MYO1G: variants seen among roughly 807,000 people sequenced by gnomAD.
MYO1G encodes unconventional myosin-Ig.
Under a neutral mutation model 115.3 loss-of-function variants are expected in MYO1G, and 65 were observed. The observed-to-expected ratio is 0.56, with a 90% CI of 0.46 to 0.69. The LOEUF (loss-of-function observed/expected upper bound fraction) is 0.69, where lower values mean the gene tolerates loss of function less well. Ranked by LOEUF, MYO1G falls within the 30% of genes least tolerant of loss-of-function variation. MYO1G has a pLI of 0.00. For synonymous variants in MYO1G, 510 were observed against 552.6 expected (o/e 0.92, Z 1.08); for missense variants, 1,204 against 1,393.5 (o/e 0.86, Z 2.16).
chr7:44,963,043 G>A lies in MYO1G; in HGVS notation c.2827C>T (p.Leu943=), dbSNP rs1351457464. 2 of 1,529,060 alleles carry A rather than the reference G, an allele frequency of 1.3e-6. No homozygotes were observed. Among genetic ancestry groups the A allele is most frequent in the Admixed American group, 2.0e-5 (1 of 50,306 alleles). The allele number at this position is 1,529,060 out of a possible 1,614,324, so 94.7% of individuals were successfully genotyped here. The change falls in exon 21 of 22, where the codon CTG becomes TTG. Residue 943 remains leucine (L), a synonymous_variant. Transcript: ENST00000258787. This position sits in a 1 kb window ranked among gnomAD's most constrained non-coding sequence, Gnocchi z 4.1. ...TCCAATGGCGGCCGGGAGCGGTGCA[G>A]GCACACCACGAGGTCGTCCTGGCCG... ...ARGQDDLVVC[L]HRSRPPLDNR...
chr7:44,975,376 G>A, intron 4 of MYO1G, 108 bp downstream of exon 4: 1 of 1,524,224 alleles, frequency 6.6e-7, no homozygotes, highest in Non-Finnish European at 9.1e-7. Flanking sequence ...CACAGGGAGA[G>A]ACAGCCCAGC....
rs778132318 is a variant in MYO1G, at chr7:44,966,073, C to T, written c.2157G>A (p.Lys719=). The T allele has an allele frequency of 6.2e-7, 1 of 1,611,450 alleles. No homozygotes were observed. The highest frequency in any genetic ancestry group is 8.5e-7 in the Non-Finnish European group (1 of 1,179,740). The change falls in exon 16 of 22, where the codon AAG becomes AAA. Residue 719 remains lysine, a splice_region_variant and synonymous_variant. Transcript: ENST00000258787. The surrounding 1 kb of genome is among the most constrained non-coding windows in gnomAD (Gnocchi z 5.0). ...LIPIIVLLLQ[K]AWRGTLARWR... ...TGTCTTCCTGCCCCGCCCACCTCAC[C>T]TTCTGCAATAGCAGCACAATGATGG...
At chr7:44,977,682 C>T (rs1279542353) in intron 1 of MYO1G, among the ~76,000 whole-genome samples, 1 of 152,180 alleles carries the variant, frequency 6.6e-6, no homozygotes, top group Non-Finnish European at 1.5e-5. Flanking sequence ...CTTCACAAAC[C>T]TGGTCCCCAG....
intron 5 of MYO1G, chr7:44,973,505 A>G (rs1794996957): frequency 6.6e-6 from 1 of 151,880 alleles, no homozygotes; most frequent in South Asian, 2.1e-4. Flanking sequence ...GGTAGCTCAG[A>G]GTCCTTAAAG....
In MYO1G at chr7:44,975,169, C is replaced by A. The variant is rs2128702859; in HGVS notation, c.618+5G>T. On this transcript the variant is annotated splice_donor_5th_base_variant and intron_variant, in intron 5 of 21. Transcript: ENST00000258787. Reference sequence around the variant, plus strand: ...TTTCCACCTCCCCTTGCCCTCAGGGCTTACTTGGTAGAAGGCGTGGAAGTT... The same window carrying A: ...TTTCCACCTCCCCTTGCCCTCAGGGATTACTTGGTAGAAGGCGTGGAAGTT... The A allele has an allele frequency of 6.2e-7, 1 of 1,614,034 alleles. No individual in the cohort carries two copies. Among genetic ancestry groups the A allele is most frequent in the Non-Finnish European group, 8.5e-7 (1 of 1,179,972 alleles).
At chr7:44,971,814 C>A in intron 6 of MYO1G, 25 bp from the exon 7 acceptor site, 1 of 1,514,056 alleles carries the variant, frequency 6.6e-7, no homozygotes, top group Non-Finnish European at 9.0e-7. Context: ...ATTCATCACT[C>A]CAAAGCCACA....
chr7:44,967,175 C>T (rs1482300182), intron 14 of MYO1G, among the ~76,000 whole-genome samples: 1 of 152,222 alleles, frequency 6.6e-6, no homozygotes, highest in African/African-American at 2.4e-5. Context: ...CTAACATGTC[C>T]TCTCCCTGAC....
intron 2 of MYO1G, 98 bp downstream of exon 2, chr7:44,976,765 C>A (rs991320368): frequency 1.3e-6 from 2 of 1,573,430 alleles, no homozygotes. Flanking sequence ...CCTAGGGCCC[C>A]CATCAGGACA....
intron 1 of MYO1G, among the ~76,000 whole-genome samples, chr7:44,978,056 A>C (rs1379908379): frequency 1.3e-5 from 2 of 152,196 alleles, no homozygotes; most frequent in Non-Finnish European, 2.9e-5. Context: ...CGTCCTGGCT[A>C]GCCCTCCTCT....
In MYO1G at chr7:44,962,919, G is replaced by A. The variant is rs114777661; in HGVS notation, c.2901-24C>T. 1.6e-3 allele frequency: 2,352 copies of A among 1,499,038 alleles called. 35 individuals are homozygous for A. The African/African-American group carries it at 0.028, about 18-fold the overall frequency. 92.9% of individuals were successfully genotyped at this position (1,499,038 alleles called of 1,614,324 possible). The stretch of plus-strand genomic sequence containing the variant: ...CCCTGCGGCAGGAGGAGGGGTCAGG[G>A]CGGCCACGCGGCCGGGGCTTCGTGC... On this transcript the variant is annotated intron_variant, in intron 21 of 21. Coordinates refer to ENST00000258787, the MANE Select transcript of MYO1G (RefSeq NM_033054.3). This position sits in a 1 kb window ranked among gnomAD's most constrained non-coding sequence, Gnocchi z 5.3.
chr7:44,963,135 C>A lies in MYO1G; in HGVS notation c.2746-11G>T. 6.9e-7 allele frequency: 1 copy of A among 1,443,526 alleles called. No homozygotes were observed. The highest frequency in any genetic ancestry group is 1.5e-5 in the African/African-American group (1 of 67,228). The allele number at this position is 1,443,526 out of a possible 1,614,324, so 89.4% of individuals were successfully genotyped here. ...GCTCAGCCCCGTCACCTGAGCGGAG[C>A]GCGGGGTCAGAGTGCAGCCGCCTCA... On this transcript the variant is annotated splice_polypyrimidine_tract_variant and intron_variant, in intron 20 of 21. Coordinates refer to ENST00000258787, the MANE Select transcript of MYO1G (RefSeq NM_033054.3). This position sits in a 1 kb window ranked among gnomAD's most constrained non-coding sequence, Gnocchi z 4.1.
Position 44,963,147 on chromosome 7 carries a change from G to C in MYO1G, c.2746-23C>G. On this transcript the variant is annotated intron_variant, in intron 20 of 21. Transcript: ENST00000258787. This position sits in a 1 kb window ranked among gnomAD's most constrained non-coding sequence, Gnocchi z 4.1. ...CACCTGAGCGGAGCGCGGGGTCAGA[G>C]TGCAGCCGCCTCAACCCGCACCCCA... 7.1e-7 allele frequency: 1 copy of C among 1,416,738 alleles called. No individual in the cohort carries two copies. The highest frequency in any genetic ancestry group is 9.2e-7 in the Non-Finnish European group (1 of 1,089,268). The allele number at this position is 1,416,738 out of a possible 1,614,324, so 87.8% of individuals were successfully genotyped here.
At position 44,975,607 on chromosome 7, in the gene MYO1G, G is replaced by C; in HGVS notation, c.441C>G (p.Ala147=). 1.2e-6 allele frequency: 2 copies of C among 1,613,788 alleles called. No individual in the cohort carries two copies. Among genetic ancestry groups the C allele is most frequent in the Non-Finnish European group, 1.7e-6 (2 of 1,179,780 alleles). Residue 147 remains alanine, a synonymous_variant, in exon 4 of 22, where the codon GCC becomes GCG. Coordinates refer to ENST00000258787, the MANE Select transcript of MYO1G (RefSeq NM_033054.3). ...VLLKSTCVLE[A]FGNARTNRNH... ...TGCGGTTGGTGCGGGCATTGCCAAA[G>C]GCCTCCAGCACACAGGTGGACTTGA...
Position 44,964,887 on chromosome 7 carries a change from A to C in MYO1G, c.2526+58T>G, listed in dbSNP as rs1029338717. Reference sequence around the variant, plus strand: ...GGGGACCTGGTCACAGCATTAGCCGAGAGCCCTCTTTGGCAGCCCACTTCC... The same window carrying C: ...GGGGACCTGGTCACAGCATTAGCCGCGAGCCCTCTTTGGCAGCCCACTTCC... On this transcript the variant is annotated intron_variant, in intron 18 of 21. Transcript: ENST00000258787. The surrounding 1 kb of genome is among the most constrained non-coding windows in gnomAD (Gnocchi z 5.1). The C allele has an allele frequency of 6.4e-7, 1 of 1,559,442 alleles. No homozygotes were observed. The highest frequency in any genetic ancestry group is 8.7e-7 in the Non-Finnish European group (1 of 1,147,638).
Position 44,970,891 on chromosome 7 carries a change from T to G in MYO1G, c.1015A>C (p.Ile339Leu). 6.2e-7 allele frequency: 1 copy of G among 1,613,512 alleles called. No individual in the cohort carries two copies. The highest frequency in any genetic ancestry group is 1.1e-5 in the South Asian group (1 of 91,078). ...RTVASGGREL[I>L]EKGHTAAEAS... ...TCAGCTGCAGTGTGGCCCTTCTCTA[T>G]GAGTTCCCTGCCTCCCGAGGCAACT... Residue 339 changes from isoleucine to leucine, a missense_variant, in exon 8 of 22, where the codon ATA becomes CTA. By Grantham distance (5) the Ile-to-Leu change is conservative. Transcript: ENST00000258787.
At position 44,962,796 on chromosome 7, in the gene MYO1G, T is replaced by C. The variant is rs780054352; in HGVS notation, c.3000A>G (p.Pro1000=). Residue 1000 remains proline (P), a synonymous_variant, in exon 22 of 22, where the codon CCA becomes CCG. Transcript: ENST00000258787. This position sits in a 1 kb window ranked among gnomAD's most constrained non-coding sequence, Gnocchi z 5.3. ...LISVEPRPEQ[P]EPDFRCARGS... ...CGCGAGCGCAGCGGAAATCGGGCTC[T>C]GGCTGCTCCGGCCTGGGCTCCACGG... The C allele has an allele frequency of 6.8e-5, 103 of 1,514,006 alleles. No individual in the cohort carries two copies. In the African/African-American group the frequency reaches 1.3e-3, roughly 19 times the overall value. 93.8% of individuals were successfully genotyped at this position (1,514,006 alleles called of 1,614,324 possible).
chr7:44,962,738 C>T lies in MYO1G; in HGVS notation c.*1G>A, dbSNP rs935733663. On this transcript the variant is annotated 3_prime_UTR_variant, in exon 22 of 22. Coordinates refer to ENST00000258787, the MANE Select transcript of MYO1G (RefSeq NM_033054.3). The surrounding 1 kb of genome is among the most constrained non-coding windows in gnomAD (Gnocchi z 5.3). ...CCTCGGGGTGCGGCGGGTGCGGGCG[C>T]TCAGCGGCTGGGCCAGAGCAGGGTG... is the stretch of plus-strand genomic sequence containing the variant. 8 of 1,457,650 alleles carry T rather than the reference C, an allele frequency of 5.5e-6. No individual in the cohort carries two copies. The highest frequency in any genetic ancestry group is 5.0e-4 in the Middle Eastern group (2 of 3,966). 90.3% of individuals were successfully genotyped at this position (1,457,650 alleles called of 1,614,324 possible).
At chr7:44,967,281 C>T (rs931456109) in intron 14 of MYO1G, among the ~76,000 whole-genome samples, 1 of 152,242 alleles carries the variant, frequency 6.6e-6, no homozygotes, top group Admixed American at 6.5e-5. Context: ...CAGAAGAATC[C>T]TGGGTTTTTG....
Position 44,965,665 on chromosome 7 carries a change from G to A in MYO1G, c.2353C>T (p.Gln785Ter), listed in dbSNP as rs1303072361. The change falls in exon 17 of 22, where the codon CAG becomes TAG. Residue 785 changes from glutamine to a stop codon, truncating the protein, a stop_gained. Coordinates refer to ENST00000258787, the MANE Select transcript of MYO1G (RefSeq NM_033054.3). LOFTEE classifies it high-confidence loss of function. ...PLPPAVLQPFQDTCHALFCRW... is the reference protein window; with the variant it reads ...PLPPAVLQPF The stretch of plus-strand genomic sequence containing the variant: ...CAGAAGAGTGCGTGGCAGGTGTCCT[G>A]GAAGGGCTGCAGCACAGCAGGGGGC... 6.2e-7 allele frequency: 1 copy of A among 1,613,522 alleles called. No individual in the cohort carries two copies. Among genetic ancestry groups the A allele is most frequent in the African/African-American group, 1.3e-5 (1 of 74,928 alleles).
Sources: allele counts gnomAD v4.1 joint callset (sites outside exome capture counted in the v4.1 genomes callset), GRCh38; gene constraint gnomAD v4.1.1; non-coding constraint Gnocchi (gnomAD v3.1); transcripts MANE v1.5; gene names NCBI Gene and HGNC (gene_info 2026-07-23, HGNC 2026-07-21).